Variants in TMEM164 observed in about 807,000 individuals in gnomAD.
The protein encoded by TMEM164 is RP13-360B22.2.
In TMEM164, 4 loss-of-function variants were observed where a neutral mutation model predicts 18.8. The observed-to-expected ratio is 0.21, with a 90% CI of 0.10 to 0.49. The LOEUF (loss-of-function observed/expected upper bound fraction) is 0.49, where lower values mean the gene tolerates loss of function less well. Among genes scored for constraint, TMEM164 ranks in the 20% least tolerant of loss-of-function variants. TMEM164 has a pLI of 0.98. For synonymous variants in TMEM164, 86 were observed against 101.7 expected (o/e 0.85, Z 0.93); for missense variants, 108 against 239.9 (o/e 0.45, Z 3.63).
intron 5 of TMEM164, 116 bp downstream of exon 5, chrX:110,144,992 GT>G (rs1342976445): frequency 1.3e-5 from 7 of 520,030 alleles, no homozygotes; most frequent in Non-Finnish European, 2.2e-5. Context: ...GCTTGACTGA[GT>G]TTCTTCAACA....
At position 110,030,767 on chromosome X, in the gene TMEM164, C is replaced by T. The variant is rs755964413; in HGVS notation, c.390+26603C>T. 1.6e-3 allele frequency among the ~76,000 whole-genome samples: 157 copies of T among 99,487 alleles called. 1 individual carries two copies. Among genetic ancestry groups the T allele is most frequent in the Admixed American group, 2.9e-3 (26 of 9,042 alleles). 86.4% of individuals were successfully genotyped at this position (99,487 alleles called of 115,157 possible). ...CGGAGGTTGCAGTGAGCTGAGATCGCGCCACTGCACTCCAGCCTGGGCGAC... is the reference window on the plus strand; with the variant it reads ...CGGAGGTTGCAGTGAGCTGAGATCGTGCCACTGCACTCCAGCCTGGGCGAC... On this transcript the variant is annotated intron_variant, in intron 2 of 6. Transcript: ENST00000372068.
intron 5 of TMEM164, among the ~76,000 whole-genome samples, chrX:110,157,068 A>G (rs1334456429): frequency 1.8e-5 from 2 of 111,954 alleles, no homozygotes; most frequent in African/African-American, 6.5e-5. Context: ...TGACTTTAGT[A>G]TCAGTGGTTA....
At chrX:110,097,089 C>T (rs773745584) in intron 3 of TMEM164, among the ~76,000 whole-genome samples, 119 of 111,764 alleles carry the variant, frequency 1.1e-3, no homozygotes, top group Middle Eastern at 4.6e-3. Flanking sequence ...CTTCAGCCTC[C>T]GCCTCCTGAG....
rs1933038156 is a variant in TMEM164, at chrX:110,012,068, C to T, written c.390+7904C>T. Among the ~76,000 whole-genome samples the T allele has an allele frequency of 2.7e-5, 3 of 111,506 alleles. No individual in the cohort carries two copies. The South Asian group carries it at 1.1e-3, about 42-fold the overall frequency. On this transcript the variant is annotated intron_variant, in intron 2 of 6. Coordinates refer to ENST00000372068, the MANE Select transcript of TMEM164 (RefSeq NM_032227.4). ...TCCCAAGGAGGGCCCACACTGTCAACAACAGAGGCACACAACATTGGGGTA... is the reference window on the plus strand; with the variant it reads ...TCCCAAGGAGGGCCCACACTGTCAATAACAGAGGCACACAACATTGGGGTA...
intron 2 of TMEM164, among the ~76,000 whole-genome samples, chrX:110,016,043 T>C (rs892159942): frequency 1.8e-5 from 2 of 112,101 alleles, no homozygotes; most frequent in African/African-American, 6.5e-5. Flanking sequence ...TGGAGAAGAA[T>C]GTGAAGCCCG....
At chrX:110,122,216 A>G (rs1432454777) in intron 4 of TMEM164, among the ~76,000 whole-genome samples, 5 of 109,086 alleles carry the variant, frequency 4.6e-5, no homozygotes, top group African/African-American at 1.7e-4. Flanking sequence ...AAAATGTGGC[A>G]CATATACACC....
At chrX:110,159,553 T>G (rs187336789) in intron 5 of TMEM164, among the ~76,000 whole-genome samples, 89 of 109,632 alleles carry the variant, frequency 8.1e-4, no homozygotes, top group Non-Finnish European at 2.7e-4. Context: ...TTGGAAGAGG[T>G]GCCTGCATGG....
chrX:110,081,041 C>T (rs2065749449), intron 3 of TMEM164, among the ~76,000 whole-genome samples: 1 of 109,832 alleles, frequency 9.1e-6, no homozygotes, highest in Admixed American at 9.8e-5. Context: ...GGCTGATACA[C>T]ACCATCTTTA....
intron 3 of TMEM164, among the ~76,000 whole-genome samples, chrX:110,093,343 A>G (rs1196397420): frequency 3.6e-5 from 4 of 111,704 alleles, no homozygotes; most frequent in Non-Finnish European, 7.5e-5. Context: ...TTGATAGGCT[A>G]TTAATTATTG....
At chrX:110,056,158 G>A (rs567017364) in intron 2 of TMEM164, among the ~76,000 whole-genome samples, 7 of 110,500 alleles carry the variant, frequency 6.3e-5, no homozygotes, top group African/African-American at 2.3e-4. Context: ...AACTCCATAC[G>A]ATTTAGCTCA....
At chrX:110,104,696 TAATA>T (rs1295955751) in intron 3 of TMEM164, among the ~76,000 whole-genome samples, 2 of 112,248 alleles carry the variant, frequency 1.8e-5, no homozygotes, top group East Asian at 2.8e-4. Flanking sequence ...ATGACTTTCT[TAATA>T]TTTTCTCTTC....
intron 3 of TMEM164, among the ~76,000 whole-genome samples, chrX:110,077,561 G>A (rs1462716355): frequency 8.9e-6 from 1 of 111,924 alleles, no homozygotes; most frequent in African/African-American, 3.2e-5. Flanking sequence ...TATGGGCTGT[G>A]TACTAAAATG....
Position 110,171,536 on chromosome X carries a change from T to C in TMEM164, c.687+16T>C. 4 of 1,084,912 alleles carry C rather than the reference T, an allele frequency of 3.7e-6. No homozygotes were observed. The highest frequency in any genetic ancestry group is 5.1e-6 in the Non-Finnish European group (4 of 779,900). 89.4% of individuals were successfully genotyped at this position (1,084,912 alleles called of 1,213,427 possible). A position where few individuals can be genotyped will look rare whatever the true frequency, so the allele number is the denominator to read the frequency against. On this transcript the variant is annotated intron_variant, in intron 6 of 6. Coordinates refer to ENST00000372068, the MANE Select transcript of TMEM164 (RefSeq NM_032227.4). The stretch of plus-strand genomic sequence containing the variant: ...CCTCGGCCTGGTAAGTTTGGTTATA[T>C]CCCCTTCTATCCCCTCTGTTTGCAG...
intron 3 of TMEM164, among the ~76,000 whole-genome samples, chrX:110,097,354 T>C (rs1219666791): frequency 8.9e-6 from 1 of 112,366 alleles, no homozygotes; most frequent in African/African-American, 3.2e-5. Flanking sequence ...CAGATGTCCA[T>C]CAACATGACA....
intron 2 of TMEM164, among the ~76,000 whole-genome samples, chrX:110,007,652 A>G (rs756878808): frequency 8.9e-6 from 1 of 112,268 alleles, no homozygotes; most frequent in Admixed American, 9.4e-5. Context: ...AGATTCTCAT[A>G]GCTATTTAAG....
intron 3 of TMEM164, among the ~76,000 whole-genome samples, chrX:110,107,325 C>T (rs1483086978): frequency 8.9e-6 from 1 of 111,866 alleles, no homozygotes; most frequent in Non-Finnish European, 1.9e-5. Context: ...CTCTGAAACT[C>T]GTTTCCTTAT....
intron 4 of TMEM164, among the ~76,000 whole-genome samples, chrX:110,121,028 A>G (rs189964203): frequency 2.1e-4 from 23 of 111,956 alleles, no homozygotes; most frequent in Admixed American, 2.0e-3. Context: ...TGGGATTTGT[A>G]AAATTTACCC....
intron 3 of TMEM164, among the ~76,000 whole-genome samples, chrX:110,101,356 T>A (rs2066107809): frequency 1.8e-5 from 2 of 111,240 alleles, no homozygotes; most frequent in Non-Finnish European, 3.8e-5. Flanking sequence ...GTTTTGGAGT[T>A]TGTGGTTTTT....
chrX:110,078,327 T>G (rs1475438306), intron 3 of TMEM164, among the ~76,000 whole-genome samples: 10 of 111,639 alleles, frequency 9.0e-5, no homozygotes, highest in African/African-American at 2.9e-4. Flanking sequence ...TGGCTCTTTC[T>G]TAAAATGTCT....
Sources: allele counts gnomAD v4.1 joint callset (sites outside exome capture counted in the v4.1 genomes callset), GRCh38; gene constraint gnomAD v4.1.1; transcripts MANE v1.5; gene names NCBI Gene and HGNC (gene_info 2026-07-23, HGNC 2026-07-21).